Variants in MUC22 observed in about 807,000 individuals in gnomAD.
MUC22 encodes the protein mucin-22.
In MUC22, 24 loss-of-function variants were observed where a neutral mutation model predicts 40.3. That is an observed-to-expected ratio of 0.60 (90% CI 0.43 to 0.84). MUC22 has a LOEUF of 0.84. MUC22 is among the 40% of genes least tolerant of loss of function. The pLI is 0.00. For synonymous variants in MUC22, 765 were observed against 844.5 expected, an observed-to-expected ratio of 0.91 and a Z score of 1.63; for missense variants, 1,926 against 2,130.7, an observed-to-expected ratio of 0.90 and a Z score of 1.89.
At chr6:31,006,015 G>A (rs941120251), upstream of MUC22, 1 of 227,498 alleles carries the variant, frequency 4.4e-6, no homozygotes, top group African/African-American at 2.4e-5. Flanking sequence ...GCTGAGGCAA[G>A]AGAATAGCTT....
chr6:31,027,617 A>G, exon 2 of MUC22: 1 of 1,487,010 alleles, frequency 6.7e-7, no homozygotes, highest in South Asian at 1.2e-5. Flanking sequence ...AAAACAGCCT[A>G]TACTACAGGC....
At chr6:31,030,993 A>G (rs1408561304) in intron 2 of MUC22, among the ~76,000 whole-genome samples, 1 of 152,184 alleles carries the variant, frequency 6.6e-6, no homozygotes, top group Non-Finnish European at 1.5e-5. Flanking sequence ...TTTACAGAAA[A>G]AATTTGGCAA....
intron 3 of MUC22, among the ~76,000 whole-genome samples, chr6:31,033,272 G>GAAGA (rs560104446): frequency 1.5e-4 from 22 of 143,396 alleles, no homozygotes; most frequent in Non-Finnish European, 2.9e-4. Flanking sequence ...AGAAAGAAAG[G>GAAGA]AAGAAAGAAA....
exon 2 of MUC22, chr6:31,029,924 C>A (rs1456719803): frequency 6.6e-7 from 1 of 1,517,678 alleles, no homozygotes; most frequent in Non-Finnish European, 8.8e-7. Flanking sequence ...AGCACCATAG[C>A]TTCCACTGCA....
chr6:31,030,552 T>C (rs12110795), intron 2 of MUC22, among the ~76,000 whole-genome samples: 7,204 of 147,506 alleles, frequency 0.049, 390 homozygotes, highest in African/African-American at 0.12. Flanking sequence ...TCTGGAATCC[T>C]AATTGCCTCT....
rs1034687917 is a variant in MUC22 at position 31,029,341 on chromosome 6, G to C, written c.3910G>C (p.Glu1304Gln). ...CACAGCAGTCTATACCACAGGCTCTGAGACTACCACCACCTCTACTGAAGG... is the reference window on the plus strand; with the variant it reads ...CACAGCAGTCTATACCACAGGCTCTCAGACTACCACCACCTCTACTGAAGG... The change falls in exon 2 of 4, where the codon GAG becomes CAG. Residue 1304 changes from glutamate to glutamine, a missense_variant. Physicochemically the swap from Glu to Gln is conservative, Grantham distance 29. This residue lies in a region of MUC22 where 610 missense variants were observed against 714.6 expected (regional missense o/e 0.85). Coordinates refer to ENST00000561890, the Ensembl canonical transcript of MUC22. 2.7e-5 allele frequency: 41 copies of C among 1,534,762 alleles called. No individual in the cohort carries two copies. The highest frequency in any genetic ancestry group is 3.5e-5 in the Non-Finnish European group (40 of 1,146,512).
In MUC22 at chr6:31,026,388, C is replaced by T. The variant is rs768331241; in HGVS notation, c.957C>T (p.Thr319=). ...CTATTTCAGGTTCTGAGATCACCAC[C>T]ACCTCTACGGCAGGATCCGAGAACA... Residue 319 remains threonine, a synonymous_variant, in exon 2 of 4, where the codon ACC becomes ACT. Transcript: ENST00000561890. 5.3e-6 allele frequency: 8 copies of T among 1,507,200 alleles called. 1 individual carries two copies. In the South Asian group the frequency reaches 9.8e-5, roughly 18 times the overall value. 93.4% of individuals were successfully genotyped at this position (1,507,200 alleles called of 1,614,324 possible). A position where few individuals can be genotyped will look rare whatever the true frequency, so the allele number is the denominator to read the frequency against.
intron 1 of MUC22, among the ~76,000 whole-genome samples, chr6:31,014,307 C>G (rs7755648): frequency 0.38 from 58,374 of 151,708 alleles, 11,416 homozygotes; most frequent in East Asian, 0.47. Context: ...CTGTCTTTTC[C>G]AAACACATGA....
At chr6:31,022,013 A>G (rs567132173) in intron 1 of MUC22, among the ~76,000 whole-genome samples, 1 of 152,234 alleles carries the variant, frequency 6.6e-6, no homozygotes, top group African/African-American at 2.4e-5. Context: ...AGAGGAAGGA[A>G]CAATTCCACA....
In MUC22 at chr6:31,011,111, C is replaced by T. The variant is rs938469555; in HGVS notation, c.70+335C>T. On this transcript the variant is annotated intron_variant, in intron 1 of 3. Transcript: ENST00000561890. The surrounding 1 kb of genome is among the most constrained non-coding windows in gnomAD (Gnocchi z 4.5). ...TTGGATAAAAGTTTTTTTTTTTAAC[C>T]GGAAAACTCTAGTTCCAATAGCATT... 6.6e-5 allele frequency among the ~76,000 whole-genome samples: 10 copies of T among 151,476 alleles called. No individual in the cohort carries two copies. The highest frequency in any genetic ancestry group is 1.2e-4 in the Non-Finnish European group (8 of 67,932).
At chr6:31,023,109 G>A (rs1358639106) in intron 1 of MUC22, among the ~76,000 whole-genome samples, 2 of 151,244 alleles carry the variant, frequency 1.3e-5, no homozygotes, top group Non-Finnish European at 2.9e-5. Context: ...CAGCCTGAGT[G>A]ACAGATCAAG....
At chr6:31,007,128 C>G (rs191889042), upstream of MUC22, among the ~76,000 whole-genome samples, 91 of 145,932 alleles carry the variant, frequency 6.2e-4, no homozygotes, top group African/African-American at 2.1e-3. The surrounding 1 kb of genome is among the most constrained non-coding windows in gnomAD (Gnocchi z 4.0). Context: ...GTAGAAATTA[C>G]ATTCTTTGCA....
chr6:31,027,431 C>T lies in MUC22; in HGVS notation c.2000C>T (p.Thr667Ile), dbSNP rs902550092. ...TCTATCACAGACTCAGAGACCACCACCACCTGTACTGAAGGCTCTGAGATG... is the reference window on the plus strand; with the variant it reads ...TCTATCACAGACTCAGAGACCACCATCACCTGTACTGAAGGCTCTGAGATG... The change falls in exon 2 of 4, where the codon ACC becomes ATC. Residue 667 changes from threonine to isoleucine, a missense_variant. Transcript: ENST00000561890. The T allele has an allele frequency of 1.2e-5, 18 of 1,531,826 alleles. No individual in the cohort carries two copies. In the African/African-American group the frequency reaches 2.1e-4, roughly 18 times the overall value. The allele number at this position is 1,531,826 out of a possible 1,614,324, so 94.9% of individuals were successfully genotyped here.
At position 31,035,061 on chromosome 6, in the gene MUC22, A is replaced by G. The variant is rs1766357187; in HGVS notation, c.*123A>G. The G allele has an allele frequency of 9.9e-6, 10 of 1,005,186 alleles. No homozygotes were observed. The East Asian group carries it at 2.6e-4, about 26-fold the overall frequency. The allele number at this position is 1,005,186 out of a possible 1,614,324, so 62.3% of individuals were successfully genotyped here. A position where few individuals can be genotyped will look rare whatever the true frequency, so the allele number is the denominator to read the frequency against. On this transcript the variant is annotated 3_prime_UTR_variant, in exon 4 of 4. Coordinates refer to ENST00000561890, the Ensembl canonical transcript of MUC22. ...TGGGAGGGGGTCATGGAGGAGAAAAAAATAATGATCATGAAATAATTAAAA... is the reference window on the plus strand; with the variant it reads ...TGGGAGGGGGTCATGGAGGAGAAAAGAATAATGATCATGAAATAATTAAAA...
chr6:31,028,662 C>A, exon 2 of MUC22: 1 of 1,534,746 alleles, frequency 6.5e-7, no homozygotes, highest in Non-Finnish European at 8.7e-7. Context: ...CCACCACAGT[C>A]TCCACTGCAG....
upstream of MUC22, among the ~76,000 whole-genome samples, chr6:31,006,510 G>A (rs1487709459): frequency 6.6e-6 from 1 of 152,096 alleles, no homozygotes; most frequent in Non-Finnish European, 1.5e-5. Context: ...GCCTGTCATT[G>A]TACATTTGTC....
In MUC22 at chr6:31,027,075, A is replaced by AG. The variant is rs1765450476; in HGVS notation, c.1644_1645insG (p.Ser549ValfsTer6). 6.7e-7 allele frequency: 1 copy of AG among 1,482,834 alleles called. No individual in the cohort carries two copies. Among genetic ancestry groups the AG allele is most frequent in the East Asian group, 2.5e-5 (1 of 40,216 alleles). The allele number at this position is 1,482,834 out of a possible 1,614,324, so 91.9% of individuals were successfully genotyped here. On this transcript the variant is annotated frameshift_variant, in exon 2 of 4. Coordinates refer to ENST00000561890, the Ensembl canonical transcript of MUC22. LOFTEE classifies it high-confidence loss of function. ...CTACAGGCTCTGAGCCTACCATGGCATCCACCATGGGCTCTGAGACCACTA... is the reference window on the plus strand; with the variant it reads ...CTACAGGCTCTGAGCCTACCATGGCAGTCCACCATGGGCTCTGAGACCACTA...
intron 1 of MUC22, among the ~76,000 whole-genome samples, chr6:31,020,919 C>T (rs1243858041): frequency 6.6e-6 from 1 of 152,242 alleles, no homozygotes; most frequent in Non-Finnish European, 1.5e-5. Context: ...CCCACTGGCG[C>T]TGCACTGGAT....
exon 2 of MUC22, chr6:31,030,008 C>T (rs1562620319): frequency 6.5e-7 from 1 of 1,535,812 alleles, no homozygotes; most frequent in East Asian, 2.4e-5. Context: ...TCTGGGGCCA[C>T]TGCAGCCTCC....
Sources: allele counts gnomAD v4.1 joint callset (sites outside exome capture counted in the v4.1 genomes callset), GRCh38; gene constraint gnomAD v4.1.1; regional missense constraint gnomAD v4.1.1; non-coding constraint Gnocchi (gnomAD v3.1); transcripts MANE v1.5; gene names NCBI Gene and HGNC (gene_info 2026-07-23, HGNC 2026-07-21).